Variants in TMEM204 observed in about 807,000 individuals in gnomAD.
TMEM204 encodes the protein transmembrane protein 204.
TMEM204 carries 15 observed loss-of-function variants against 19.4 expected under a neutral mutation model. That is an observed-to-expected ratio of 0.77 (90% CI 0.52 to 1.19). The LOEUF is 1.19. Ranked by LOEUF, TMEM204 falls within the 50% of genes most tolerant of loss-of-function variation. The pLI, the probability that TMEM204 is intolerant of heterozygous loss-of-function variation, is 0.00. For synonymous variants in TMEM204, 161 were observed against 146.0 expected, an observed-to-expected ratio of 1.10 and a Z score of -0.74; for missense variants, 287 against 321.2, an observed-to-expected ratio of 0.89 and a Z score of 0.81.
rs933373834 is a variant in TMEM204 at position 1,539,113 on chromosome 16, C to T, written c.281-2808C>T. The stretch of plus-strand genomic sequence containing the variant: ...GATGGCCCCCCACCTCAGGCCTCAG[C>T]AAGCTGCAGAGTGCCAGACGGCCCC... On this transcript the variant is annotated intron_variant, in intron 1 of 2. Coordinates refer to ENST00000566264, the MANE Select transcript of TMEM204 (RefSeq NM_024600.6). Among the ~76,000 whole-genome samples the T allele has an allele frequency of 2.0e-5, 3 of 149,972 alleles. No homozygotes were observed. The South Asian group carries it at 6.4e-4, about 32-fold the overall frequency.
chr16:1,531,112 G>C (rs747771755), upstream of TMEM204: 1 of 152,300 alleles, frequency 6.6e-6, no homozygotes, highest in South Asian at 2.1e-4. This position sits in a 1 kb window ranked among gnomAD's most constrained non-coding sequence, Gnocchi z 4.7. Context: ...CAGGGCTCTC[G>C]GGACAGCCTC....
rs2033010741 is a variant in TMEM204 at position 1,555,381 on chromosome 16, G to A, written c.*355G>A. 8.4e-6 allele frequency: 2 copies of A among 239,298 alleles called. No individual in the cohort carries two copies. The highest frequency in any genetic ancestry group is 1.4e-4 in the South Asian group (2 of 13,804). The allele number at this position is 239,298 out of a possible 1,614,324, so 14.8% of individuals were successfully genotyped here. A position where few individuals can be genotyped will look rare whatever the true frequency, so the allele number is the denominator to read the frequency against. On this transcript the variant is annotated 3_prime_UTR_variant, in exon 3 of 3. Coordinates refer to ENST00000566264, the MANE Select transcript of TMEM204 (RefSeq NM_024600.6). ...GATTAATTTATTCTGCATCTGCTGAGAGGGGCACCCCAGCCATATCTTACA... is the reference window on the plus strand; with the variant it reads ...GATTAATTTATTCTGCATCTGCTGAAAGGGGCACCCCAGCCATATCTTACA...
rs1596354033 is a variant in TMEM204 at position 1,553,699 on chromosome 16, C to T, written c.437-1083C>T. On this transcript the variant is annotated intron_variant, in intron 2 of 2. Coordinates refer to ENST00000566264, the MANE Select transcript of TMEM204 (RefSeq NM_024600.6). The surrounding 1 kb of genome is among the most constrained non-coding windows in gnomAD (Gnocchi z 4.4). ...CTGGGGCTGAAGGCTGGCTGGAGGC[C>T]CCATGGCCTCCAGGACAATCTGTGG... 5 of 1,076,170 alleles carry T rather than the reference C, an allele frequency of 4.6e-6. No homozygotes were observed. Among genetic ancestry groups the T allele is most frequent in the Non-Finnish European group, 4.5e-6 (4 of 880,624 alleles). 66.7% of individuals were successfully genotyped at this position (1,076,170 alleles called of 1,614,324 possible).
rs1180852115 is a variant in TMEM204 at position 1,554,151 on chromosome 16, G to A, written c.437-631G>A. ...GGAAGACACCAGATATAGCCAAGGA[G>A]CCCTAGACAAGGCCCTGGCCCCATC... On this transcript the variant is annotated intron_variant, in intron 2 of 2. Coordinates refer to ENST00000566264, the MANE Select transcript of TMEM204 (RefSeq NM_024600.6). 9.3e-6 allele frequency: 12 copies of A among 1,285,746 alleles called. No homozygotes were observed. In the South Asian group the frequency reaches 1.4e-4, roughly 15 times the overall value. 79.6% of individuals were successfully genotyped at this position (1,285,746 alleles called of 1,614,324 possible).
In TMEM204 at chr16:1,540,002, C is replaced by T. The variant is rs566293395; in HGVS notation, c.281-1919C>T. Reference sequence around the variant, plus strand: ...GGCATCCAGGAAGGAGAGCTCCCTCCGCCCCGAGTGACAGGAGGGGACGCT... The same window carrying T: ...GGCATCCAGGAAGGAGAGCTCCCTCTGCCCCGAGTGACAGGAGGGGACGCT... On this transcript the variant is annotated intron_variant, in intron 1 of 2. Transcript: ENST00000566264. 3.5e-4 allele frequency among the ~76,000 whole-genome samples: 53 copies of T among 152,322 alleles called. No individual in the cohort carries two copies. In the East Asian group the frequency reaches 3.9e-3, roughly 11 times the overall value.
intron 2 of TMEM204, among the ~76,000 whole-genome samples, chr16:1,548,129 G>C (rs1305263088): frequency 6.6e-6 from 1 of 152,240 alleles, no homozygotes; most frequent in Admixed American, 6.5e-5. Flanking sequence ...AGAGAGGATT[G>C]TTTGGGTCAC....
At chr16:1,529,103 C>T (rs912057177), upstream of TMEM204, among the ~76,000 whole-genome samples, 6 of 152,184 alleles carry the variant, frequency 3.9e-5, no homozygotes, top group East Asian at 1.9e-4. Context: ...CCCAGGTGCC[C>T]GCTCCCGAAA....
Position 1,533,993 on chromosome 16 carries a change from C to T in TMEM204, c.-283C>T. On this transcript the variant is annotated 5_prime_UTR_variant, in exon 1 of 3. Coordinates refer to ENST00000566264, the MANE Select transcript of TMEM204 (RefSeq NM_024600.6). This position sits in a 1 kb window ranked among gnomAD's most constrained non-coding sequence, Gnocchi z 4.7. ...CGCTTCCCGGGAAGACGGCGCACTCCTGGCCCTGGGTTCTTGCTGCTGCCC... is the reference window on the plus strand; with the variant it reads ...CGCTTCCCGGGAAGACGGCGCACTCTTGGCCCTGGGTTCTTGCTGCTGCCC... 1 of 483,104 alleles carries T rather than the reference C, an allele frequency of 2.1e-6. No homozygotes were observed. The highest frequency in any genetic ancestry group is 3.6e-6 in the Non-Finnish European group (1 of 275,748). The allele number at this position is 483,104 out of a possible 1,614,324, so 29.9% of individuals were successfully genotyped here. A position where few individuals can be genotyped will look rare whatever the true frequency, so the allele number is the denominator to read the frequency against.
intron 2 of TMEM204, among the ~76,000 whole-genome samples, chr16:1,552,286 C>G (rs542166781): frequency 6.6e-6 from 1 of 152,238 alleles, no homozygotes; most frequent in African/African-American, 2.4e-5. Flanking sequence ...GCATCGCCCC[C>G]CTGCTGGGCT....
At position 1,555,375 on chromosome 16, in the gene TMEM204, T is replaced by C. The variant is rs1713318652; in HGVS notation, c.*349T>C. 2 of 245,966 alleles carry C rather than the reference T, an allele frequency of 8.1e-6. No individual in the cohort carries two copies. Among genetic ancestry groups the C allele is most frequent in the Non-Finnish European group, 1.6e-5 (2 of 126,630 alleles). 15.2% of individuals were successfully genotyped at this position (245,966 alleles called of 1,614,324 possible). A position where few individuals can be genotyped will look rare whatever the true frequency, so the allele number is the denominator to read the frequency against. The stretch of plus-strand genomic sequence containing the variant: ...CTTTGGGATTAATTTATTCTGCATC[T>C]GCTGAGAGGGGCACCCCAGCCATAT... On this transcript the variant is annotated 3_prime_UTR_variant, in exon 3 of 3. Transcript: ENST00000566264.
intron 1 of TMEM204, among the ~76,000 whole-genome samples, chr16:1,536,096 C>A (rs1042017839): frequency 2.0e-5 from 3 of 152,216 alleles, no homozygotes; most frequent in African/African-American, 7.2e-5. Context: ...AGAGCACCCC[C>A]GGGGGAGGGA....
chr16:1,553,611 G>T lies in TMEM204; in HGVS notation c.437-1171G>T. The T allele has an allele frequency of 1.9e-6, 2 of 1,031,304 alleles. No homozygotes were observed. The highest frequency in any genetic ancestry group is 7.4e-5 in the South Asian group (2 of 27,150). The allele number at this position is 1,031,304 out of a possible 1,614,324, so 63.9% of individuals were successfully genotyped here. A position where few individuals can be genotyped will look rare whatever the true frequency, so the allele number is the denominator to read the frequency against. On this transcript the variant is annotated intron_variant, in intron 2 of 2. Coordinates refer to ENST00000566264, the MANE Select transcript of TMEM204 (RefSeq NM_024600.6). The surrounding 1 kb of genome is among the most constrained non-coding windows in gnomAD (Gnocchi z 4.4). The stretch of plus-strand genomic sequence containing the variant: ...AGAGTCTCTGGCACTTTGGGTACAA[G>T]AAACAGACTCACTCAGGTTACTGTA...
intron 2 of TMEM204, among the ~76,000 whole-genome samples, chr16:1,544,842 G>T (rs1323294309): frequency 6.6e-6 from 1 of 151,412 alleles, no homozygotes; most frequent in African/African-American, 2.4e-5. Context: ...TAGAGACGGG[G>T]TTTCACCGTG....
upstream of TMEM204, among the ~76,000 whole-genome samples, chr16:1,530,164 G>C (rs2030312998): frequency 1.0e-5 from 1 of 99,304 alleles, no homozygotes; most frequent in African/African-American, 5.9e-5. Flanking sequence ...TTTTGAGACA[G>C]AGTCTCACTC....
At chr16:1,549,995 C>T (rs974835849) in intron 2 of TMEM204, among the ~76,000 whole-genome samples, 2 of 151,858 alleles carry the variant, frequency 1.3e-5, no homozygotes, top group African/African-American at 4.8e-5. Context: ...TCTTTTTTGT[C>T]GCCCAGGCTG....
At position 1,534,389 on chromosome 16, in the gene TMEM204, G is replaced by C. The variant is rs1194888416; in HGVS notation, c.114G>C (p.Gly38=). The change falls in exon 1 of 3, where the codon GGG becomes GGC. Residue 38 remains glycine (G), a synonymous_variant. Transcript: ENST00000566264. The stretch of plus-strand genomic sequence containing the variant: ...GGGTGTGCCAGACGCTGGAGGATGG[G>C]CGCAGGCGCAGCGTGGGGCTGTGGA... ...SNWVCQTLED[G]RRRSVGLWRS... The C allele has an allele frequency of 6.2e-7, 1 of 1,612,802 alleles. No individual in the cohort carries two copies. Among genetic ancestry groups the C allele is most frequent in the East Asian group, 2.2e-5 (1 of 44,870 alleles).
chr16:1,554,309 G>T (rs1335150822), intron 2 of TMEM204, among the ~76,000 whole-genome samples: 1 of 152,238 alleles, frequency 6.6e-6, no homozygotes, highest in East Asian at 1.9e-4. Context: ...ATAAGACTTA[G>T]AAAAGTCTTT....
At chr16:1,530,758 G>A (rs941050701), upstream of TMEM204, 3 of 152,346 alleles carry the variant, frequency 2.0e-5, no homozygotes, top group African/African-American at 7.2e-5. Context: ...GCCGGCCCTG[G>A]TTTTGCTCTG....
intron 2 of TMEM204, chr16:1,554,224 G>C: frequency 1.1e-6 from 1 of 898,310 alleles, no homozygotes; most frequent in East Asian, 6.3e-5. Flanking sequence ...AGTTCCCAAA[G>C]CAAAGGCCAA....
Sources: allele counts gnomAD v4.1 joint callset (sites outside exome capture counted in the v4.1 genomes callset), GRCh38; gene constraint gnomAD v4.1.1; non-coding constraint Gnocchi (gnomAD v3.1); transcripts MANE v1.5; gene names NCBI Gene and HGNC (gene_info 2026-07-23, HGNC 2026-07-21).